The following PCDH7 variants were observed in gnomAD, a reference collection of about 807,000 sequenced individuals.
PCDH7 encodes the protein protocadherin-7.
In PCDH7, 17 loss-of-function variants were observed where a neutral mutation model predicts 58.9. That is an observed-to-expected ratio of 0.29 (90% confidence interval 0.20 to 0.43). The LOEUF is 0.43. PCDH7 is among the 20% of genes least tolerant of loss of function. PCDH7 has a pLI of 1.00. For missense variants in PCDH7, 1,274 were observed against 1,441.0 expected (o/e 0.88, Z 1.88); for synonymous variants, 664 against 616.4 (o/e 1.08, Z -1.14).
chr4:30,884,196 A>G (rs765013416), intron 1 of PCDH7, among the ~76,000 whole-genome samples: 58 of 152,254 alleles, frequency 3.8e-4, no homozygotes, highest in Non-Finnish European at 6.9e-4. Flanking sequence ...AACACTGTAC[A>G]CACCATTTTT....
intron 3 of PCDH7, among the ~76,000 whole-genome samples, chr4:31,120,324 G>T (rs1578850433): frequency 2.1e-5 from 3 of 141,182 alleles, no homozygotes; most frequent in East Asian, 2.1e-4. Context: ...TTCCTTCTTG[G>T]TTTTTTAAAT....
intron 1 of PCDH7, among the ~76,000 whole-genome samples, chr4:30,750,486 T>A (rs1049381957): frequency 2.1e-4 from 32 of 152,122 alleles, no homozygotes; most frequent in Non-Finnish European, 4.7e-4. Context: ...TCTCTCAAAC[T>A]AACATTCAAC....
chr4:30,994,578 T>C (rs1751716444), intron 3 of PCDH7, among the ~76,000 whole-genome samples: 1 of 152,196 alleles, frequency 6.6e-6, no homozygotes, highest in South Asian at 2.1e-4. Context: ...GAAGGCATTG[T>C]TGATATGTAA....
intron 1 of PCDH7, among the ~76,000 whole-genome samples, chr4:30,822,014 G>A (rs75997028): frequency 0.042 from 6,360 of 152,148 alleles, 171 homozygotes; most frequent in Non-Finnish European, 0.059. Flanking sequence ...GCCCTGTCTC[G>A]TAGCAGCATA....
intron 3 of PCDH7, among the ~76,000 whole-genome samples, chr4:31,115,664 A>G (rs1006125752): frequency 3.9e-5 from 6 of 152,204 alleles, no homozygotes; most frequent in Admixed American, 1.3e-4. Context: ...TGATTCACAT[A>G]ACTAGGAAAA....
chr4:31,018,529 C>T (rs896734584), intron 3 of PCDH7, among the ~76,000 whole-genome samples: 3 of 152,130 alleles, frequency 2.0e-5, no homozygotes, highest in African/African-American at 7.2e-5. Flanking sequence ...TGATCATTTT[C>T]AATCCCAAAA....
rs1488203589 is a variant in PCDH7 at position 30,721,806 on chromosome 4, G to A, written c.384G>A (p.Glu128=). 1 of 1,612,730 alleles carries A rather than the reference G, an allele frequency of 6.2e-7. No individual in the cohort carries two copies. The highest frequency in any genetic ancestry group is 8.5e-7 in the Non-Finnish European group (1 of 1,179,604). ...CGCAGAGCTGGGTGGACCTGTTTGA[G>A]GGTCAGGTCATCGTGCTTGACATCA... The change falls in exon 1 of 2, where the codon GAG becomes GAA. Residue 128 remains glutamate, a synonymous_variant. Coordinates refer to ENST00000361762, the Ensembl canonical transcript of PCDH7. This position sits in a 1 kb window ranked among gnomAD's most constrained non-coding sequence, Gnocchi z 6.7.
intron 3 of PCDH7, among the ~76,000 whole-genome samples, chr4:30,956,166 A>C (rs1342329471): frequency 6.6e-6 from 1 of 151,840 alleles, no homozygotes; most frequent in Non-Finnish European, 1.5e-5. Context: ...GTGAGCCGAG[A>C]TCATGCCACT....
downstream of PCDH7, among the ~76,000 whole-genome samples, chr4:30,737,059 A>G (rs369893280): frequency 3.9e-5 from 6 of 152,092 alleles, no homozygotes; most frequent in East Asian, 1.2e-3. Flanking sequence ...AAAAATAGAA[A>G]ACTAAAGCTG....
At chr4:30,752,783 C>CAAAAAAAA (rs35860745) in intron 1 of PCDH7, among the ~76,000 whole-genome samples, 9 of 99,520 alleles carry the variant, frequency 9.0e-5, no homozygotes, top group East Asian at 2.9e-4. Context: ...CCTGTAGGGG[C>CAAAAAAAA]AAAAAAAAAA....
chr4:30,776,912 G>T (rs893922766), intron 1 of PCDH7, among the ~76,000 whole-genome samples: 6 of 151,348 alleles, frequency 4.0e-5, no homozygotes, highest in Admixed American at 1.3e-4. Flanking sequence ...TTTCAGTTAA[G>T]AACTTAAGGT....
At chr4:30,833,040 T>C (rs1729999689) in intron 1 of PCDH7, among the ~76,000 whole-genome samples, 2 of 152,152 alleles carry the variant, frequency 1.3e-5, no homozygotes, top group African/African-American at 4.8e-5. Flanking sequence ...AAGAGCCTGC[T>C]TTGTGACAGT....
At chr4:30,726,699 G>A (rs1396090281) in intron 1 of PCDH7, among the ~76,000 whole-genome samples, 3 of 151,936 alleles carry the variant, frequency 2.0e-5, no homozygotes, top group Non-Finnish European at 4.4e-5. Context: ...AAACTTTTCT[G>A]TCATTACATA....
intron 3 of PCDH7, among the ~76,000 whole-genome samples, chr4:31,078,592 A>C (rs1759204767): frequency 6.8e-6 from 1 of 147,680 alleles, no homozygotes; most frequent in Admixed American, 6.9e-5. Flanking sequence ...TGGCTCCCAA[A>C]GGGCTGGGAT....
chr4:31,083,087 G>A lies in PCDH7; in HGVS notation c.*8-59386G>A, dbSNP rs181156597. 5.8e-3 allele frequency among the ~76,000 whole-genome samples: 887 copies of A among 152,058 alleles called. 6 individuals are homozygous for A. Among genetic ancestry groups the A allele is most frequent in the African/African-American group, 0.02 (836 of 41,474 alleles). ...TGCGCCACTGCACTCCAGCCTGGGC[G>A]ACAGAGCAAGACTCCATCTCAAAAA... On this transcript the variant is annotated intron_variant, in intron 3 of 3. Transcript: ENST00000509759.
chr4:30,981,303 T>C (rs1438971275), intron 3 of PCDH7, among the ~76,000 whole-genome samples: 2 of 152,244 alleles, frequency 1.3e-5, no homozygotes, highest in Non-Finnish European at 2.9e-5. Context: ...TGAGGCATTT[T>C]AAAGCCACCA....
chr4:30,967,692 G>A (rs978382360), intron 3 of PCDH7, among the ~76,000 whole-genome samples: 3 of 152,040 alleles, frequency 2.0e-5, no homozygotes, highest in Admixed American at 6.6e-5. Flanking sequence ...GTTGACCTAC[G>A]TAAGCCTTCT....
intron 3 of PCDH7, among the ~76,000 whole-genome samples, chr4:31,037,523 T>C (rs1196781906): frequency 6.6e-6 from 1 of 152,192 alleles, no homozygotes; most frequent in African/African-American, 2.4e-5. Context: ...TAATAATTGA[T>C]GAGTGCCTTG....
At position 30,797,441 on chromosome 4, in the gene PCDH7, T is replaced by A. The variant is rs562980626; in HGVS notation, c.70+72845T>A. Among the ~76,000 whole-genome samples, 6 of 151,942 alleles carry A rather than the reference T, an allele frequency of 3.9e-5. No individual in the cohort carries two copies. In the East Asian group the frequency reaches 7.8e-4, roughly 20 times the overall value. On this transcript the variant is annotated intron_variant, in intron 1 of 3. Transcript: ENST00000509759. ...GCGCCCGCCACCACGCCCGGCTAAT[T>A]TTTTTTGTAGTTTTAGTAGAGACAG...
Sources: gnomAD v4.1 joint callset for allele counts (sites outside exome capture counted in the v4.1 genomes callset) on GRCh38, gnomAD v4.1.1 for gene constraint, Gnocchi (gnomAD v3.1) non-coding constraint, MANE v1.5 for transcripts, NCBI Gene and HGNC (gene_info 2026-07-23, HGNC 2026-07-21) for gene names.